Variants in SMAD2 observed in about 807,000 individuals in gnomAD.
SMAD2 encodes the protein MAD homolog 2.
In SMAD2, 8 loss-of-function variants were observed where a neutral mutation model predicts 64.4. The ratio of observed to expected loss-of-function variants is 0.12; its 90% confidence interval spans 0.07 to 0.22. The LOEUF (loss-of-function observed/expected upper bound fraction) is 0.22. SMAD2 is among the 10% of genes least tolerant of loss of function. SMAD2 has a pLI of 1.00. For missense variants in SMAD2, 289 were observed against 561.2 expected (o/e 0.51, Z 4.90); for synonymous variants, 203 against 195.8 (o/e 1.04, Z -0.31).
At position 47,831,406 on chromosome 18, in the gene SMAD2, T is replaced by C. The variant is rs1336214787; in HGVS notation, c.*10421A>G. On this transcript the variant is annotated 3_prime_UTR_variant, in exon 11 of 11. Transcript: ENST00000262160. ...CCCATCTTCTTCCTGGACCAAACTG[T>C]TCAGAAGTTAACTTCTTTTTCCTGT... The C allele has an allele frequency of 6.6e-6, 1 of 152,266 alleles. No homozygotes were observed. Among genetic ancestry groups the C allele is most frequent in the East Asian group, 1.9e-4 (1 of 5,200 alleles). The allele number at this position is 152,266 out of a possible 1,614,324, so 9.4% of individuals were successfully genotyped here. A position where few individuals can be genotyped will look rare whatever the true frequency, so the allele number is the denominator to read the frequency against.
intron 10 of SMAD2, among the ~76,000 whole-genome samples, chr18:47,843,963 A>G (rs1235349945): frequency 2.3e-5 from 3 of 129,052 alleles, no homozygotes; most frequent in Non-Finnish European, 5.6e-5. Flanking sequence ...CCTTCTGAAG[A>G]ACAAAAAAAA....
In SMAD2 at chr18:47,834,022, T is replaced by G. The variant is rs1913171715; in HGVS notation, c.*7805A>C. The G allele has an allele frequency of 4.5e-6, 1 of 221,892 alleles. No individual in the cohort carries two copies. The highest frequency in any genetic ancestry group is 9.0e-6 in the Non-Finnish European group (1 of 111,222). The allele number at this position is 221,892 out of a possible 1,614,324, so 13.7% of individuals were successfully genotyped here. A position where few individuals can be genotyped will look rare whatever the true frequency, so the allele number is the denominator to read the frequency against. ...CAGTTACCTTAGCTGGATCACTAAG[T>G]GTGAGTCTCACCACCATACTGGTAC... On this transcript the variant is annotated 3_prime_UTR_variant, in exon 11 of 11. Coordinates refer to ENST00000262160, the MANE Select transcript of SMAD2 (RefSeq NM_005901.6).
chr18:47,852,457 T>C (rs2030206959), intron 6 of SMAD2, among the ~76,000 whole-genome samples: 1 of 152,182 alleles, frequency 6.6e-6, no homozygotes, highest in African/African-American at 2.4e-5. Flanking sequence ...TTTAGGATTT[T>C]TGCATCAATA....
intron 1 of SMAD2, among the ~76,000 whole-genome samples, chr18:47,899,931 G>C (rs1481884356): frequency 6.6e-6 from 1 of 152,124 alleles, no homozygotes; most frequent in Non-Finnish European, 1.5e-5. Flanking sequence ...TAATGCTTCA[G>C]AGAACAGATT....
At chr18:47,856,068 T>A (rs2030649514) in intron 6 of SMAD2, among the ~76,000 whole-genome samples, 1 of 151,884 alleles carries the variant, frequency 6.6e-6, no homozygotes, top group Non-Finnish European at 1.5e-5. Context: ...TTGGCATGGA[T>A]GAATCTGGAA....
intron 2 of SMAD2, among the ~76,000 whole-genome samples, chr18:47,882,192 A>G (rs1231983241): frequency 4.9e-5 from 7 of 142,216 alleles, no homozygotes; most frequent in Non-Finnish European, 4.6e-5. Flanking sequence ...GACCTGATTA[A>G]TTTTTCTTTT....
Position 47,816,332 on chromosome 18 carries a change from C to T in SMAD2, c.*25495G>A, listed in dbSNP as rs1912365961. 1 of 152,166 alleles carries T rather than the reference C, an allele frequency of 6.6e-6. No homozygotes were observed. Among genetic ancestry groups the T allele is most frequent in the Admixed American group, 6.5e-5 (1 of 15,276 alleles). The allele number at this position is 152,166 out of a possible 1,614,324, so 9.4% of individuals were successfully genotyped here. ...TAGCTTTAAAAAATACCAAAATATA[C>T]AGTGGTCACCCTAAAACTAACATTT... On this transcript the variant is annotated 3_prime_UTR_variant, in exon 11 of 11. Transcript: ENST00000262160.
At chr18:47,857,907 A>T (rs897684058) in intron 6 of SMAD2, among the ~76,000 whole-genome samples, 10 of 152,206 alleles carry the variant, frequency 6.6e-5, no homozygotes, top group African/African-American at 2.4e-4. Flanking sequence ...CCATATTTGT[A>T]TCTGAAAGTT....
chr18:47,861,957 A>G (rs555907306), intron 6 of SMAD2, among the ~76,000 whole-genome samples: 1 of 152,326 alleles, frequency 6.6e-6, no homozygotes, highest in South Asian at 2.1e-4. Flanking sequence ...TAGGTTACCT[A>G]GCTAGCATAT....
chr18:47,889,538 G>A lies in SMAD2; in HGVS notation c.236+6983C>T, dbSNP rs533530501. Among the ~76,000 whole-genome samples, 24 of 152,212 alleles carry A rather than the reference G, an allele frequency of 1.6e-4. No homozygotes were observed. In the East Asian group the frequency reaches 4.3e-3, roughly 27 times the overall value. On this transcript the variant is annotated intron_variant, in intron 2 of 10. Coordinates refer to ENST00000262160, the MANE Select transcript of SMAD2 (RefSeq NM_005901.6). ...TGTAATCCCAGCACTTTGGGAGGCC[G>A]AGGTGGGCGGATCACGAGGTCAGGA...
At position 47,822,882 on chromosome 18, in the gene SMAD2, G is replaced by A. The variant is rs1912623329; in HGVS notation, c.*18945C>T. ...TAGTAGAGACGGTGGCCGGGGGGAG[G>A]TTTCACTATGTTGGCCAGGCTGGTT... On this transcript the variant is annotated 3_prime_UTR_variant, in exon 11 of 11. Coordinates refer to ENST00000262160, the MANE Select transcript of SMAD2 (RefSeq NM_005901.6). 6.6e-6 allele frequency: 1 copy of A among 152,056 alleles called. No homozygotes were observed. The highest frequency in any genetic ancestry group is 2.4e-5 in the African/African-American group (1 of 41,374). 9.4% of individuals were successfully genotyped at this position (152,056 alleles called of 1,614,324 possible). A position where few individuals can be genotyped will look rare whatever the true frequency, so the allele number is the denominator to read the frequency against.
intron 2 of SMAD2, among the ~76,000 whole-genome samples, chr18:47,872,255 A>C (rs1039933985): frequency 3.3e-5 from 5 of 152,190 alleles, no homozygotes; most frequent in Non-Finnish European, 7.3e-5. Context: ...ATTTGCTTCT[A>C]GCTAGTAAAA....
At chr18:47,926,680 TG>T (rs1221760724) in intron 1 of SMAD2, among the ~76,000 whole-genome samples, 1 of 152,252 alleles carries the variant, frequency 6.6e-6, no homozygotes, top group African/African-American at 2.4e-5. Flanking sequence ...AGCTATGGAC[TG>T]GGACAATTTG....
At chr18:47,928,977 G>A (rs987849411) in intron 1 of SMAD2, among the ~76,000 whole-genome samples, 1 of 152,162 alleles carries the variant, frequency 6.6e-6, no homozygotes, top group African/African-American at 2.4e-5. Flanking sequence ...TTACGGCAAC[G>A]GCTAAGGAAC....
chr18:47,850,232 TTATATATTA>T lies in SMAD2; in HGVS notation c.784+1033_784+1041del, dbSNP rs1318233197. ...TTATTATATATATGTATAATATATA[TTATATATTA>T]TATATTATATATATTATGTATAATA... On this transcript the variant is annotated intron_variant, in intron 7 of 10. Coordinates refer to ENST00000262160, the MANE Select transcript of SMAD2 (RefSeq NM_005901.6). 9.2e-5 allele frequency among the ~76,000 whole-genome samples: 4 copies of T among 43,494 alleles called. No individual in the cohort carries two copies. In the East Asian group the frequency reaches 5.6e-3, roughly 61 times the overall value. The allele number at this position is 43,494 out of a possible 152,430, so 28.5% of individuals were successfully genotyped here.
chr18:47,814,898 G>A lies in SMAD2; in HGVS notation c.*26929C>T, dbSNP rs1234064899. 2 of 152,374 alleles carry A rather than the reference G, an allele frequency of 1.3e-5. No homozygotes were observed. The highest frequency in any genetic ancestry group is 2.9e-5 in the Non-Finnish European group (2 of 68,170). The allele number at this position is 152,374 out of a possible 1,614,324, so 9.4% of individuals were successfully genotyped here. ...GGGACATGGAAGCTATTAAGGTAGA[G>A]ACCTTGAGACCAAAGGCAATGACAG... On this transcript the variant is annotated 3_prime_UTR_variant, in exon 11 of 11. Transcript: ENST00000262160.
Position 47,900,134 on chromosome 18 carries a change from G to A in SMAD2, c.-53-3325C>T, listed in dbSNP as rs184044763. The stretch of plus-strand genomic sequence containing the variant: ...AAGTTCTCTAATGACATTTTAAAAA[G>A]GGAAAGAAAATAGGCAACATTTTAA... On this transcript the variant is annotated intron_variant, in intron 1 of 10. Coordinates refer to ENST00000262160, the MANE Select transcript of SMAD2 (RefSeq NM_005901.6). Among the ~76,000 whole-genome samples, 16 of 152,140 alleles carry A rather than the reference G, an allele frequency of 1.1e-4. No individual in the cohort carries two copies. In the South Asian group the frequency reaches 2.1e-3, roughly 20 times the overall value.
rs932122372 is a variant in SMAD2 at position 47,834,845 on chromosome 18, A to T, written c.*6982T>A. The stretch of plus-strand genomic sequence containing the variant: ...TGTCTTTTCTTTCTTTTTTAGGTGA[A>T]AATATTCTATGCCAACTGTTTTCCA... On this transcript the variant is annotated 3_prime_UTR_variant, in exon 11 of 11. Transcript: ENST00000262160. 2 of 219,588 alleles carry T rather than the reference A, an allele frequency of 9.1e-6. No individual in the cohort carries two copies. Among genetic ancestry groups the T allele is most frequent in the Admixed American group, 1.2e-4 (2 of 17,278 alleles). 13.6% of individuals were successfully genotyped at this position (219,588 alleles called of 1,614,324 possible). A position where few individuals can be genotyped will look rare whatever the true frequency, so the allele number is the denominator to read the frequency against.
chr18:47,914,133 CAG>C (rs778850325), intron 1 of SMAD2, among the ~76,000 whole-genome samples: 24 of 152,214 alleles, frequency 1.6e-4, no homozygotes, highest in Non-Finnish European at 3.2e-4. Context: ...ATACTCTTTC[CAG>C]AGTCCTCAAC....
Sources: allele counts gnomAD v4.1 joint callset (sites outside exome capture counted in the v4.1 genomes callset), GRCh38; gene constraint gnomAD v4.1.1; transcripts MANE v1.5; gene names NCBI Gene and HGNC (gene_info 2026-07-23, HGNC 2026-07-21).